NKAIN2: variants seen among roughly 807,000 people sequenced by gnomAD.
NKAIN2 encodes the protein sodium/potassium-transporting ATPase subunit beta-1-interacting protein 2.
A neutral mutation model predicts 32.6 loss-of-function variants in NKAIN2; 14 were observed. The ratio of observed to expected loss-of-function variants is 0.43; its 90% CI spans 0.28 to 0.67. NKAIN2 has a LOEUF of 0.67. Among genes scored for constraint, NKAIN2 ranks in the 30% least tolerant of loss-of-function variants. The pLI is 0.17. For missense variants in NKAIN2, 198 were observed against 258.3 expected, an observed-to-expected ratio of 0.77 and a Z score of 1.60; for synonymous variants, 80 against 87.2, an observed-to-expected ratio of 0.92 and a Z score of 0.46.
At chr6:124,140,200 C>T (rs1787065278) in intron 1 of NKAIN2, among the ~76,000 whole-genome samples, 1 of 152,098 alleles carries the variant, frequency 6.6e-6, no homozygotes, top group African/African-American at 2.4e-5. Flanking sequence ...CTTCCTTTTG[C>T]ATAATATAAA....
chr6:124,311,665 G>A (rs781136538), intron 2 of NKAIN2, among the ~76,000 whole-genome samples: 8 of 152,100 alleles, frequency 5.3e-5, no homozygotes, highest in Non-Finnish European at 7.4e-5. Flanking sequence ...TGAGAGGCAC[G>A]TTTGCTTATT....
At chr6:124,487,890 CT>C (rs936206816) in intron 3 of NKAIN2, among the ~76,000 whole-genome samples, 4 of 152,048 alleles carry the variant, frequency 2.6e-5, no homozygotes, top group African/African-American at 9.7e-5. Flanking sequence ...CTCCTTTATA[CT>C]TTGACACCTT....
At chr6:123,923,665 A>G (rs1472673082) in intron 1 of NKAIN2, among the ~76,000 whole-genome samples, 2 of 151,442 alleles carry the variant, frequency 1.3e-5, no homozygotes, top group African/African-American at 4.9e-5. Flanking sequence ...ATTGGAAACC[A>G]TTATTCTCAG....
chr6:124,478,996 G>A (rs544360712), intron 3 of NKAIN2, among the ~76,000 whole-genome samples: 48 of 152,274 alleles, frequency 3.2e-4, no homozygotes, highest in Non-Finnish European at 5.4e-4. Flanking sequence ...CTTTACCTCT[G>A]TTGTCTCCCT....
intron 1 of NKAIN2, among the ~76,000 whole-genome samples, chr6:123,822,377 G>A (rs1773962571): frequency 6.6e-6 from 1 of 152,124 alleles, no homozygotes; most frequent in Non-Finnish European, 1.5e-5. Flanking sequence ...AAGCCAGTTG[G>A]TTAATAAATA....
At chr6:124,386,697 G>A (rs1772915178) in intron 3 of NKAIN2, among the ~76,000 whole-genome samples, 3 of 152,122 alleles carry the variant, frequency 2.0e-5, no homozygotes, top group African/African-American at 7.2e-5. Flanking sequence ...TGTTTGTGCT[G>A]TTAATTGCCA....
At chr6:123,884,738 CATG>C (rs1773632535) in intron 1 of NKAIN2, among the ~76,000 whole-genome samples, 1 of 151,986 alleles carries the variant, frequency 6.6e-6, no homozygotes, top group South Asian at 2.1e-4. Flanking sequence ...GTCCACTGGT[CATG>C]ATACTAGATA....
intron 4 of NKAIN2, among the ~76,000 whole-genome samples, chr6:124,675,651 G>A (rs1472611877): frequency 6.6e-6 from 1 of 151,802 alleles, no homozygotes; most frequent in African/African-American, 2.4e-5. Context: ...AATTATTCAT[G>A]GTAGTCTCTT....
chr6:124,146,813 T>C (rs1197527966), intron 1 of NKAIN2, among the ~76,000 whole-genome samples: 2 of 152,098 alleles, frequency 1.3e-5, no homozygotes, highest in African/African-American at 4.8e-5. Flanking sequence ...ATGCATACTG[T>C]TTAGGAATAC....
chr6:124,171,427 A>G (rs181204200), intron 1 of NKAIN2, among the ~76,000 whole-genome samples: 11 of 152,180 alleles, frequency 7.2e-5, no homozygotes, highest in Admixed American at 5.2e-4. Context: ...GTTTATTCGG[A>G]TCCATTCTGG....
At chr6:123,820,376 A>T (rs1773873282) in intron 1 of NKAIN2, among the ~76,000 whole-genome samples, 1 of 152,242 alleles carries the variant, frequency 6.6e-6, no homozygotes, top group South Asian at 2.1e-4. Context: ...TTATTTCTTT[A>T]TGATGAAATT....
intron 1 of NKAIN2, among the ~76,000 whole-genome samples, chr6:124,022,263 A>G (rs1780902100): frequency 6.6e-6 from 1 of 152,128 alleles, no homozygotes; most frequent in Admixed American, 6.5e-5. Flanking sequence ...CATGGTGTAT[A>G]TGTGCCACAT....
intron 3 of NKAIN2, among the ~76,000 whole-genome samples, chr6:124,652,815 A>G (rs1784412273): frequency 6.6e-6 from 1 of 152,176 alleles, no homozygotes; most frequent in African/African-American, 2.4e-5. Context: ...CTCCAGTCAT[A>G]GCAGCATTAG....
intron 1 of NKAIN2, among the ~76,000 whole-genome samples, chr6:123,913,876 C>G (rs1490019787): frequency 6.6e-6 from 1 of 152,018 alleles, no homozygotes; most frequent in Non-Finnish European, 1.5e-5. Context: ...TAATTAATAT[C>G]ATAATTCTTC....
At chr6:124,779,712 AATATGGGG>A (rs1225204445) in intron 4 of NKAIN2, among the ~76,000 whole-genome samples, 4 of 152,134 alleles carry the variant, frequency 2.6e-5, no homozygotes, top group Non-Finnish European at 4.4e-5. Context: ...TGAGACCACA[AATATGGGG>A]TCCATTTATT....
chr6:124,433,839 CTT>C (rs1028886122), intron 3 of NKAIN2, among the ~76,000 whole-genome samples: 89 of 152,270 alleles, frequency 5.8e-4, no homozygotes, highest in African/African-American at 2.1e-3. Flanking sequence ...ACGTGCACCT[CTT>C]TGAAAAATGA....
chr6:123,923,070 CT>C (rs1411621144), intron 1 of NKAIN2, among the ~76,000 whole-genome samples: 1 of 151,888 alleles, frequency 6.6e-6, no homozygotes, highest in East Asian at 1.9e-4. Flanking sequence ...TTTTCTTCTT[CT>C]GTTACTGGGG....
chr6:124,155,668 T>A lies in NKAIN2; in HGVS notation c.55-127337T>A, dbSNP rs539608285. ...GATATGATTTAACAATTCCATGATA[T>A]GGAGATAAATGGAAAAAAAATCTGA... On this transcript the variant is annotated intron_variant, in intron 1 of 6. Coordinates refer to ENST00000368417, the MANE Select transcript of NKAIN2 (RefSeq NM_001040214.3). Among the ~76,000 whole-genome samples, 104 of 151,426 alleles carry A rather than the reference T, an allele frequency of 6.9e-4. 3 individuals are homozygous for A. The South Asian group carries it at 0.019, about 28-fold the overall frequency.
At chr6:124,682,447 T>G (rs1474026748) in intron 4 of NKAIN2, among the ~76,000 whole-genome samples, 1 of 152,168 alleles carries the variant, frequency 6.6e-6, no homozygotes, top group Non-Finnish European at 1.5e-5. Flanking sequence ...AGCATAAGAT[T>G]AAAAATATTT....
Sources: gnomAD v4.1 joint callset for allele counts (sites outside exome capture counted in the v4.1 genomes callset) on GRCh38, gnomAD v4.1.1 for gene constraint, MANE v1.5 for transcripts, NCBI Gene and HGNC (gene_info 2026-07-23, HGNC 2026-07-21) for gene names.